Variants in KLHL1 observed in about 807,000 individuals in gnomAD.
The protein encoded by KLHL1 is kelch like family member 1.
Under a neutral mutation model 77.7 loss-of-function variants are expected in KLHL1, and 47 were observed. The ratio of observed to expected loss-of-function variants is 0.60; its 90% CI spans 0.48 to 0.77. The LOEUF (loss-of-function observed/expected upper bound fraction) is 0.77. KLHL1 is among the 30% of genes least tolerant of loss of function. KLHL1 has a pLI of 0.00. For missense variants in KLHL1, 925 were observed against 910.8 expected (o/e 1.02, Z -0.20); for synonymous variants, 360 against 325.2 (o/e 1.11, Z -1.15).
intron 6 of KLHL1, among the ~76,000 whole-genome samples, chr13:69,809,306 A>G (rs113602495): frequency 6.6e-5 from 10 of 152,316 alleles, no homozygotes; most frequent in African/African-American, 2.4e-4. Context: ...GGCAACTAAG[A>G]AAAAGGGTCA....
At chr13:69,896,938 G>A (rs535913909) in intron 4 of KLHL1, among the ~76,000 whole-genome samples, 3 of 152,140 alleles carry the variant, frequency 2.0e-5, no homozygotes, top group African/African-American at 7.2e-5. Flanking sequence ...CCAATGTGCC[G>A]GGATTACAGG....
chr13:69,912,549 C>A (rs1478648594), intron 4 of KLHL1, among the ~76,000 whole-genome samples: 2 of 152,198 alleles, frequency 1.3e-5, no homozygotes, highest in Non-Finnish European at 2.9e-5. Flanking sequence ...TTTTCAGTTT[C>A]TTTTTAAATT....
intron 5 of KLHL1, among the ~76,000 whole-genome samples, chr13:69,881,427 G>A (rs1362895970): frequency 6.6e-6 from 1 of 152,032 alleles, no homozygotes; most frequent in African/African-American, 2.4e-5. Flanking sequence ...TGAGGAATCT[G>A]GTGAATGAGA....
intron 7 of KLHL1, among the ~76,000 whole-genome samples, chr13:69,742,783 T>C (rs1323185526): frequency 6.6e-6 from 1 of 152,190 alleles, no homozygotes; most frequent in African/African-American, 2.4e-5. Context: ...GTGTTTTGAG[T>C]GCAGGCATAG....
chr13:69,814,903 C>T (rs940751303), intron 6 of KLHL1, among the ~76,000 whole-genome samples: 2 of 151,936 alleles, frequency 1.3e-5, no homozygotes, highest in African/African-American at 4.8e-5. Flanking sequence ...CCCAGCTACT[C>T]GGGAGGCTGA....
rs951177014 is a variant in KLHL1, at chr13:70,108,339, A to G, written c.-640T>C. On this transcript the variant is annotated 5_prime_UTR_variant, in exon 1 of 11. Coordinates refer to ENST00000377844, the MANE Select transcript of KLHL1 (RefSeq NM_020866.3). The stretch of plus-strand genomic sequence containing the variant: ...AAAGTCAATTGCTTTCTGCAATGCC[A>G]GAAGAGGTGGTTTTATATAGTCAGT... The G allele has an allele frequency of 3.5e-6, 1 of 284,738 alleles. No homozygotes were observed. Among genetic ancestry groups the G allele is most frequent in the African/African-American group, 2.2e-5 (1 of 46,158 alleles). 17.6% of individuals were successfully genotyped at this position (284,738 alleles called of 1,614,324 possible). A position where few individuals can be genotyped will look rare whatever the true frequency, so the allele number is the denominator to read the frequency against.
intron 5 of KLHL1, among the ~76,000 whole-genome samples, chr13:69,865,559 A>G (rs980586797): frequency 3.3e-5 from 5 of 152,126 alleles, no homozygotes; most frequent in Non-Finnish European, 7.4e-5. Context: ...GCATGAATAC[A>G]GGTGGGAAAA....
At chr13:69,972,946 T>G (rs1593639232) in intron 2 of KLHL1, among the ~76,000 whole-genome samples, 1 of 151,960 alleles carries the variant, frequency 6.6e-6, no homozygotes, top group African/African-American at 2.4e-5. Flanking sequence ...ATGTTTGAAA[T>G]TCAAGGATTT....
chr13:70,086,333 A>G (rs1566563893), intron 1 of KLHL1, among the ~76,000 whole-genome samples: 1 of 151,852 alleles, frequency 6.6e-6, no homozygotes, highest in Admixed American at 6.6e-5. Context: ...CTGTAATCCC[A>G]GCACTTTGGG....
At chr13:69,766,026 C>A (rs1215080190) in intron 7 of KLHL1, among the ~76,000 whole-genome samples, 1 of 152,130 alleles carries the variant, frequency 6.6e-6, no homozygotes, top group African/African-American at 2.4e-5. Context: ...GTAGATGATA[C>A]CGAAATCTTC....
rs1258570604 is a variant in KLHL1 at position 69,967,191 on chromosome 13, C to G, written c.681-5747G>C. Among the ~76,000 whole-genome samples, 4 of 152,088 alleles carry G rather than the reference C, an allele frequency of 2.6e-5. No individual in the cohort carries two copies. The East Asian group carries it at 7.7e-4, about 29-fold the overall frequency. ...TCTTTGAAAAATAAGTCTCCAGATGCTGTAAATAGTGATTCCTTTGAGGCA... is the reference window on the plus strand; with the variant it reads ...TCTTTGAAAAATAAGTCTCCAGATGGTGTAAATAGTGATTCCTTTGAGGCA... On this transcript the variant is annotated intron_variant, in intron 2 of 10. Transcript: ENST00000377844.
intron 1 of KLHL1, among the ~76,000 whole-genome samples, chr13:70,023,207 G>C (rs1161717878): frequency 6.6e-6 from 1 of 151,824 alleles, no homozygotes; most frequent in Admixed American, 6.6e-5. Context: ...CTATCAAAAA[G>C]TTATAAAAAT....
intron 7 of KLHL1, among the ~76,000 whole-genome samples, chr13:69,782,641 ATTAG>A (rs1876288722): frequency 6.6e-6 from 1 of 152,170 alleles, no homozygotes; most frequent in Non-Finnish European, 1.5e-5. Context: ...CCCAAGTTTG[ATTAG>A]TAAACAAAGC....
intron 7 of KLHL1, among the ~76,000 whole-genome samples, chr13:69,782,599 C>T (rs541749718): frequency 6.6e-6 from 1 of 152,282 alleles, no homozygotes; most frequent in South Asian, 2.1e-4. Context: ...TGCAAGGCAG[C>T]AGCAAGGCTA....
chr13:69,879,100 G>T (rs140563805), intron 5 of KLHL1, among the ~76,000 whole-genome samples: 1 of 152,032 alleles, frequency 6.6e-6, no homozygotes, highest in Admixed American at 6.6e-5. Context: ...AGGGCCTGTC[G>T]TAGGAGATAC....
At chr13:70,047,466 T>C (rs1463130167) in intron 1 of KLHL1, among the ~76,000 whole-genome samples, 3 of 152,004 alleles carry the variant, frequency 2.0e-5, no homozygotes, top group African/African-American at 7.2e-5. Context: ...TTGTCCCATA[T>C]AGTAGAAAAC....
At chr13:69,812,895 C>A (rs1877947209) in intron 6 of KLHL1, among the ~76,000 whole-genome samples, 1 of 145,664 alleles carries the variant, frequency 6.9e-6, no homozygotes, top group Non-Finnish European at 1.5e-5. Context: ...ACTAGTTCAA[C>A]CATTGTGGAA....
chr13:70,031,485 G>A (rs1886098886), intron 1 of KLHL1, among the ~76,000 whole-genome samples: 1 of 152,190 alleles, frequency 6.6e-6, no homozygotes, highest in Non-Finnish European at 1.5e-5. Flanking sequence ...ATGCTATGAA[G>A]TAAAATGGTC....
intron 7 of KLHL1, among the ~76,000 whole-genome samples, chr13:69,788,014 G>C (rs1326994433): frequency 6.6e-6 from 1 of 152,218 alleles, no homozygotes; most frequent in Non-Finnish European, 1.5e-5. Flanking sequence ...GGAAACAACA[G>C]GTGCTGGAGA....
Sources: allele counts gnomAD v4.1 joint callset (sites outside exome capture counted in the v4.1 genomes callset), GRCh38; gene constraint gnomAD v4.1.1; transcripts MANE v1.5; gene names NCBI Gene and HGNC (gene_info 2026-07-23, HGNC 2026-07-21).